Variants in MIPEP observed in about 807,000 individuals in gnomAD.
The protein encoded by MIPEP is mitochondrial intermediate peptidase.
MIPEP carries 79 observed loss-of-function variants against 90.3 expected under a neutral mutation model. That is an observed-to-expected ratio of 0.87 (90% CI 0.73 to 1.05). MIPEP has a LOEUF of 1.05. Ranked by LOEUF, MIPEP falls within the 50% of genes least tolerant of loss-of-function variation. MIPEP has a pLI of 0.00. For synonymous variants in MIPEP, 334 were observed against 315.8 expected, an observed-to-expected ratio of 1.06 and a Z score of -0.61; for missense variants, 940 against 905.6, an observed-to-expected ratio of 1.04 and a Z score of -0.49.
intron 10 of MIPEP, among the ~76,000 whole-genome samples, chr13:23,853,325 T>C (rs1264489026): frequency 6.6e-6 from 1 of 152,112 alleles, no homozygotes; most frequent in Non-Finnish European, 1.5e-5. Context: ...CCTATACAGG[T>C]ATACCATTTT....
chr13:23,882,226 C>T (rs1285071188), intron 2 of MIPEP, among the ~76,000 whole-genome samples: 2 of 152,098 alleles, frequency 1.3e-5, no homozygotes, highest in South Asian at 2.1e-4. Context: ...CCCACCACCA[C>T]GCCCTCTAAT....
intron 7 of MIPEP, among the ~76,000 whole-genome samples, chr13:23,867,257 T>C (rs977243141): frequency 6.6e-6 from 1 of 152,132 alleles, no homozygotes; most frequent in Non-Finnish European, 1.5e-5. Context: ...TTGCACACGC[T>C]GCGCTTCAGC....
Position 23,889,364 on chromosome 13 carries a change from C to T in MIPEP, c.-44G>A. 8.0e-7 allele frequency: 1 copy of T among 1,249,918 alleles called. No individual in the cohort carries two copies. Among genetic ancestry groups the T allele is most frequent in the East Asian group, 3.2e-5 (1 of 31,692 alleles). 77.4% of individuals were successfully genotyped at this position (1,249,918 alleles called of 1,614,324 possible). The stretch of plus-strand genomic sequence containing the variant: ...CCTTCCTCCAACGCAGATCCCTGCC[C>T]TGCTGCTTTCGCTGGGAGCGCGCGC... On this transcript the variant is annotated 5_prime_UTR_variant, in exon 1 of 19. Coordinates refer to ENST00000382172, the MANE Select transcript of MIPEP (RefSeq NM_005932.4).
chr13:23,883,250 A>G (rs1396955302), intron 2 of MIPEP, among the ~76,000 whole-genome samples: 1 of 152,160 alleles, frequency 6.6e-6, no homozygotes, highest in Non-Finnish European at 1.5e-5. Context: ...ATTATTATAC[A>G]TGATAAATAC....
intron 18 of MIPEP, 192 bp downstream of exon 18, chr13:23,756,353 C>T: frequency 1.9e-6 from 1 of 531,490 alleles, no homozygotes; most frequent in South Asian, 1.9e-5. Context: ...CAGGGTTTCA[C>T]CATGTTGGCC....
At chr13:23,745,354 C>T (rs1952370951) in intron 18 of MIPEP, among the ~76,000 whole-genome samples, 2 of 152,098 alleles carry the variant, frequency 1.3e-5, no homozygotes, top group Admixed American at 6.5e-5. Context: ...TAAACAAACA[C>T]CAGAAGATGT....
chr13:23,781,731 A>G (rs1952784420), intron 16 of MIPEP, among the ~76,000 whole-genome samples: 1 of 152,216 alleles, frequency 6.6e-6, no homozygotes, highest in South Asian at 2.1e-4. Context: ...AGAGACACAC[A>G]TAGACTCAAA....
chr13:23,854,575 C>A (rs1865554641), intron 10 of MIPEP, among the ~76,000 whole-genome samples: 1 of 151,976 alleles, frequency 6.6e-6, no homozygotes, highest in Admixed American at 6.6e-5. Flanking sequence ...TTCCCTTTCC[C>A]AGTGATATCC....
chr13:23,730,284 T>G lies in MIPEP; in HGVS notation c.*64A>C. The G allele has an allele frequency of 9.5e-7, 1 of 1,049,254 alleles. No homozygotes were observed. Among genetic ancestry groups the G allele is most frequent in the East Asian group, 2.6e-5 (1 of 38,818 alleles). The allele number at this position is 1,049,254 out of a possible 1,614,324, so 65.0% of individuals were successfully genotyped here. A position where few individuals can be genotyped will look rare whatever the true frequency, so the allele number is the denominator to read the frequency against. ...GAAATCAGAAACAAGCTCTCACAGC[T>G]GTAGCATTTATAACAAAGTCATTAT... On this transcript the variant is annotated 3_prime_UTR_variant, in exon 19 of 19. Transcript: ENST00000382172.
At chr13:23,853,515 T>C (rs1215500336) in intron 10 of MIPEP, among the ~76,000 whole-genome samples, 1 of 151,896 alleles carries the variant, frequency 6.6e-6, no homozygotes, top group African/African-American at 2.4e-5. Flanking sequence ...CTTAGGTTTG[T>C]GTAAGTGCAC....
At chr13:23,833,551 CT>C (rs1868869592) in intron 14 of MIPEP, among the ~76,000 whole-genome samples, 1 of 152,178 alleles carries the variant, frequency 6.6e-6, no homozygotes, top group African/African-American at 2.4e-5. Context: ...AACAATACAT[CT>C]TCTTACAGAA....
chr13:23,883,144 A>G (rs1285378379), intron 2 of MIPEP, among the ~76,000 whole-genome samples: 1 of 152,174 alleles, frequency 6.6e-6, no homozygotes, highest in Non-Finnish European at 1.5e-5. Context: ...CTGGCAGGTA[A>G]TATCTTAAAA....
chr13:23,809,887 G>A lies in MIPEP; in HGVS notation c.1691C>T (p.Ser564Phe). 1 of 1,613,704 alleles carries A rather than the reference G, an allele frequency of 6.2e-7. No individual in the cohort carries two copies. The highest frequency in any genetic ancestry group is 8.5e-7 in the Non-Finnish European group (1 of 1,179,766). ...ATCAGCTGCAGCACAAACCTTTTTA[G>A]ATTCACAAAGACGAGACACCATATT... is the stretch of plus-strand genomic sequence containing the variant. ...PKNMVSRLCE[S>F]KKVCAAADMQ... Residue 564 changes from serine to phenylalanine, a missense_variant, in exon 15 of 19, where the codon TCT becomes TTT. Coordinates refer to ENST00000382172, the MANE Select transcript of MIPEP (RefSeq NM_005932.4).
chr13:23,820,044 TTCCAAGTGTTCTAC>T (rs1462123899), intron 14 of MIPEP, among the ~76,000 whole-genome samples: 5 of 152,066 alleles, frequency 3.3e-5, no homozygotes, highest in Non-Finnish European at 7.4e-5. Context: ...CCTCTTTTCA[TTCCAAGTGTTCTAC>T]ACACAGTATA....
At chr13:23,866,245 A>T (rs1046204702) in intron 7 of MIPEP, among the ~76,000 whole-genome samples, 1 of 151,926 alleles carries the variant, frequency 6.6e-6, no homozygotes, top group Non-Finnish European at 1.5e-5. Context: ...TGTCTGTACT[A>T]CTCCATCGAC....
At chr13:23,846,872 G>A (rs926619607) in intron 10 of MIPEP, among the ~76,000 whole-genome samples, 4 of 152,092 alleles carry the variant, frequency 2.6e-5, no homozygotes, top group Non-Finnish European at 4.4e-5. Flanking sequence ...CATTTGGTGA[G>A]TACTCACTAT....
chr13:23,790,270 T>C (rs1952885772), intron 16 of MIPEP, among the ~76,000 whole-genome samples: 1 of 152,220 alleles, frequency 6.6e-6, no homozygotes, highest in African/African-American at 2.4e-5. Context: ...TCCTTCTCAC[T>C]CACTCCTTGA....
chr13:23,851,031 G>C (rs1869780267), intron 10 of MIPEP, among the ~76,000 whole-genome samples: 1 of 152,178 alleles, frequency 6.6e-6, no homozygotes, highest in East Asian at 1.9e-4. Flanking sequence ...AAGGAAAGTG[G>C]CCAGACAGCC....
At chr13:23,749,114 G>C (rs1280763329) in intron 18 of MIPEP, among the ~76,000 whole-genome samples, 2 of 152,166 alleles carry the variant, frequency 1.3e-5, no homozygotes, top group African/African-American at 4.8e-5. Flanking sequence ...AGTGCTATAA[G>C]ACAATGTAAA....
Sources: allele counts gnomAD v4.1 joint callset (sites outside exome capture counted in the v4.1 genomes callset), GRCh38; gene constraint gnomAD v4.1.1; transcripts MANE v1.5; gene names NCBI Gene and HGNC (gene_info 2026-07-23, HGNC 2026-07-21).